DYNC2I1: variants seen among roughly 807,000 people sequenced by gnomAD.
The protein encoded by DYNC2I1 is dynein 2 intermediate chain 1, also known as cytoplasmic dynein 2 intermediate chain 1.
A neutral mutation model predicts 133.4 loss-of-function variants in DYNC2I1; 89 were observed. The ratio of observed to expected loss-of-function variants is 0.67; its 90% confidence interval spans 0.56 to 0.80. DYNC2I1 has a LOEUF of 0.80. DYNC2I1 is among the 30% of genes least tolerant of loss of function. The probability of loss-of-function intolerance (pLI) is 0.00; values close to 1 mark genes in which losing one functional copy is unlikely to be tolerated. For missense variants in DYNC2I1, 1,291 were observed against 1,314.5 expected (o/e 0.98, Z 0.28); for synonymous variants, 504 against 484.3 (o/e 1.04, Z -0.54).
chr7:158,856,562 G>GA lies in DYNC2I1; in HGVS notation c.-173dup. 3.4e-6 allele frequency: 2 copies of GA among 595,874 alleles called. No individual in the cohort carries two copies. Among genetic ancestry groups the GA allele is most frequent in the Non-Finnish European group, 4.9e-6 (2 of 408,982 alleles). The allele number at this position is 595,874 out of a possible 1,614,324, so 36.9% of individuals were successfully genotyped here. On this transcript the variant is annotated 5_prime_UTR_variant, in exon 1 of 25. Coordinates refer to ENST00000407559, the MANE Select transcript of DYNC2I1 (RefSeq NM_018051.5). ...CCGGGGATGCGCAGGCGCACTGGGA[G>GA]AGGCCGCAGGGCACGCTGGGCAGTG...
At chr7:158,843,613 C>T in the DYNC2I1 span, among the ~76,000 whole-genome samples, 1 of 152,038 alleles carries the variant, frequency 6.6e-6, no homozygotes, top group Non-Finnish European at 1.5e-5. Context: ...TCAGGCTGGT[C>T]ACAAACTCCT....
intron 16 of DYNC2I1, 83 bp downstream of exon 16, chr7:158,922,632 G>A (rs748786947): frequency 1.0e-4 from 140 of 1,374,774 alleles, no homozygotes; most frequent in Middle Eastern, 7.2e-4. Context: ...GGAGAGTCAC[G>A]GAGAGAGGTG....
intron 24 of DYNC2I1, among the ~76,000 whole-genome samples, chr7:158,942,580 A>G (rs1851482138): frequency 6.6e-6 from 1 of 152,248 alleles, no homozygotes. Flanking sequence ...GTATTTCCCC[A>G]TCATTAGTGT....
Position 158,914,280 on chromosome 7 carries a change from G to A in DYNC2I1, c.1750G>A (p.Asp584Asn). 1 of 1,612,884 alleles carries A rather than the reference G, an allele frequency of 6.2e-7. No homozygotes were observed. The highest frequency in any genetic ancestry group is 8.5e-7 in the Non-Finnish European group (1 of 1,179,374). The change falls in exon 14 of 25, where the codon GAT becomes AAT. Residue 584 changes from aspartate (D) to asparagine (N), a missense_variant. Coordinates refer to ENST00000407559, the MANE Select transcript of DYNC2I1 (RefSeq NM_018051.5). ...TSDAVVMPKIDTPRLCSFLRA... is the reference protein window; with the variant it reads ...TSDAVVMPKINTPRLCSFLRA... ...TGATGCTGTAGTTATGCCAAAGATT[G>A]ATACTCCAAGGTTATGTAGCTTTCT...
chr7:158,857,141 G>C (rs572149726), intron 1 of DYNC2I1, among the ~76,000 whole-genome samples: 1 of 152,336 alleles, frequency 6.6e-6, no homozygotes, highest in African/African-American at 2.4e-5. Flanking sequence ...ACTTGTCACA[G>C]TTTAAGAGGT....
At chr7:158,843,931 G>T in the DYNC2I1 span, among the ~76,000 whole-genome samples, 1 of 152,048 alleles carries the variant, frequency 6.6e-6, no homozygotes, top group Non-Finnish European at 1.5e-5. Flanking sequence ...AAGGAGAGAG[G>T]GTAGGCAGTG....
intron 23 of DYNC2I1, 35 bp downstream of exon 23, chr7:158,934,584 C>T: frequency 6.5e-7 from 1 of 1,545,394 alleles, no homozygotes; most frequent in Non-Finnish European, 8.7e-7. Flanking sequence ...TCCAATTCTT[C>T]TTTTTTTGTT....
At chr7:158,947,724 C>T (rs772988613), downstream of DYNC2I1, among the ~76,000 whole-genome samples, 11 of 152,234 alleles carry the variant, frequency 7.2e-5, no homozygotes, top group Admixed American at 1.3e-4. Flanking sequence ...TCACTCCCCC[C>T]TCTGAAGCCC....
intron 17 of DYNC2I1, among the ~76,000 whole-genome samples, chr7:158,925,463 T>C (rs1849518388): frequency 6.6e-6 from 1 of 152,196 alleles, no homozygotes; most frequent in Non-Finnish European, 1.5e-5. Flanking sequence ...TGCCTTTTGC[T>C]TGTTTTTAGG....
rs765689476 is a variant in DYNC2I1, at chr7:158,945,680, C to T, written c.3102C>T (p.His1034=). 1.2e-6 allele frequency: 2 copies of T among 1,612,604 alleles called. No individual in the cohort carries two copies. Among genetic ancestry groups the T allele is most frequent in the East Asian group, 2.2e-5 (1 of 44,854 alleles). ...CGTCTGGCTCCATCGACATCCAGCA[C>T]CTGAAGAGGCGGTGGGCGGCCCCGG... ...ARASGSIDIQ[H]LKRRWAAPEV... The change falls in exon 25 of 25, where the codon CAC becomes CAT. Residue 1034 remains histidine (H), a synonymous_variant. Coordinates refer to ENST00000407559, the MANE Select transcript of DYNC2I1 (RefSeq NM_018051.5). The surrounding 1 kb of genome is among the most constrained non-coding windows in gnomAD (Gnocchi z 4.1).
rs577478158 is a variant in DYNC2I1, at chr7:158,946,139, C to T, written c.*360C>T. On this transcript the variant is annotated 3_prime_UTR_variant, in exon 25 of 25. Coordinates refer to ENST00000407559, the MANE Select transcript of DYNC2I1 (RefSeq NM_018051.5). Reference sequence around the variant, plus strand: ...TATCTTAATGAACTATTTTCTTATGCATAAAGTATGTGAACACATGTCTAA... The same window carrying T: ...TATCTTAATGAACTATTTTCTTATGTATAAAGTATGTGAACACATGTCTAA... The T allele has an allele frequency of 5.9e-6, 1 of 168,746 alleles. No homozygotes were observed. The highest frequency in any genetic ancestry group is 1.3e-5 in the Non-Finnish European group (1 of 79,278). 10.5% of individuals were successfully genotyped at this position (168,746 alleles called of 1,614,324 possible).
At chr7:158,856,447 G>A (rs1007137752), upstream of DYNC2I1, 1 of 367,216 alleles carries the variant, frequency 2.7e-6, no homozygotes, top group Non-Finnish European at 4.9e-6. Context: ...AGGAGCCGGG[G>A]AAGCGCAGGC....
intron 5 of DYNC2I1, among the ~76,000 whole-genome samples, chr7:158,883,258 C>T (rs937792484): frequency 5.3e-5 from 8 of 149,852 alleles, no homozygotes; most frequent in African/African-American, 2.0e-4. Flanking sequence ...CACTGTATCG[C>T]CCAGGCCAGA....
chr7:158,862,231 G>C, intron 1 of DYNC2I1, among the ~76,000 whole-genome samples: 1 of 152,230 alleles, frequency 6.6e-6, no homozygotes, highest in East Asian at 1.9e-4. Flanking sequence ...CAGGGCCACA[G>C]CCTGGGAAAC....
chr7:158,943,491 AG>A (rs1029212125), intron 24 of DYNC2I1, among the ~76,000 whole-genome samples: 10 of 152,048 alleles, frequency 6.6e-5, no homozygotes, highest in African/African-American at 2.4e-4. Flanking sequence ...GTCAGGGCCG[AG>A]GGGGCAGGAA....
intron 4 of DYNC2I1, among the ~76,000 whole-genome samples, chr7:158,952,684 G>A (rs1043674985): frequency 1.3e-5 from 2 of 152,076 alleles, no homozygotes; most frequent in South Asian, 2.1e-4. Context: ...TGTGGACAGG[G>A]AGAAAAGGAG....
intron 10 of DYNC2I1, 49 bp from the exon 11 acceptor site, chr7:158,905,940 G>C: frequency 2.1e-6 from 3 of 1,461,876 alleles, no homozygotes; most frequent in Middle Eastern, 1.7e-4. Flanking sequence ...TTTTTGCTTG[G>C]AAGACATATT....
downstream of DYNC2I1, among the ~76,000 whole-genome samples, chr7:158,948,101 C>T (rs2252779): frequency 0.47 from 72,085 of 152,078 alleles, 17,897 homozygotes; most frequent in Non-Finnish European, 0.54. Context: ...GCGATGCCTC[C>T]GGGATCTTCC....
At chr7:158,944,172 G>A (rs2527198) in intron 24 of DYNC2I1, among the ~76,000 whole-genome samples, 65,214 of 151,978 alleles carry the variant, frequency 0.43, 15,239 homozygotes, top group Non-Finnish European at 0.52. Flanking sequence ...TGAGAAGCAG[G>A]TTGGCTGTGG....
Sources: allele counts gnomAD v4.1 joint callset (sites outside exome capture counted in the v4.1 genomes callset), GRCh38; gene constraint gnomAD v4.1.1; non-coding constraint Gnocchi (gnomAD v3.1); transcripts MANE v1.5; gene names NCBI Gene and HGNC (gene_info 2026-07-23, HGNC 2026-07-21).